Variants in MAPKAP1 observed in about 807,000 individuals in gnomAD.
The protein encoded by MAPKAP1 is target of rapamycin complex 2 subunit MAPKAP1.
In MAPKAP1, 20 loss-of-function variants were observed where a neutral mutation model predicts 65.7. The observed-to-expected ratio is 0.30, with a 90% CI of 0.21 to 0.44. The LOEUF (loss-of-function observed/expected upper bound fraction) is 0.44, where lower values mean the gene tolerates loss of function less well. Ranked by LOEUF, MAPKAP1 falls within the 20% of genes least tolerant of loss-of-function variation. The probability of loss-of-function intolerance (pLI) is 1.00; values close to 1 mark genes in which losing one functional copy is unlikely to be tolerated. For missense variants in MAPKAP1, 423 were observed against 648.0 expected (o/e 0.65, Z 3.77); for synonymous variants, 222 against 244.3 (o/e 0.91, Z 0.85).
At chr9:125,569,931 T>C (rs1013139668) in intron 5 of MAPKAP1, among the ~76,000 whole-genome samples, 8 of 152,236 alleles carry the variant, frequency 5.3e-5, no homozygotes, top group African/African-American at 1.7e-4. Flanking sequence ...TTAGTAATCT[T>C]TGGGAAATGA....
rs1290581458 is a variant in MAPKAP1 at position 125,698,289 on chromosome 9, ATATATATATATATATATATATATAT to A, written c.-70+8657_-70+8681del. Among the ~76,000 whole-genome samples, 404 of 77,806 alleles carry A rather than the reference ATATATATATATATATATATATATAT, an allele frequency of 5.2e-3. 16 individuals are homozygous for A. Among genetic ancestry groups the A allele is most frequent in the African/African-American group, 0.015 (312 of 21,276 alleles). The allele number at this position is 77,806 out of a possible 152,430, so 51.0% of individuals were successfully genotyped here. A position where few individuals can be genotyped will look rare whatever the true frequency, so the allele number is the denominator to read the frequency against. On this transcript the variant is annotated intron_variant, in intron 1 of 11. Transcript: ENST00000265960. ...TATATATAATACATAATATATATAA[ATATATATATATATATATATATATAT>A]ATATATATATATATATATATATAAA...
At chr9:125,547,656 G>A (rs1214008863) in intron 6 of MAPKAP1, among the ~76,000 whole-genome samples, 1 of 152,112 alleles carries the variant, frequency 6.6e-6, no homozygotes, top group South Asian at 2.1e-4. Context: ...ACTGCTTATC[G>A]GGGGGTGGGA....
chr9:125,621,043 G>A (rs1329433889), intron 4 of MAPKAP1, among the ~76,000 whole-genome samples: 2 of 152,130 alleles, frequency 1.3e-5, no homozygotes, highest in Non-Finnish European at 2.9e-5. Context: ...AGGCTGAGGT[G>A]GGCAGACTGG....
intron 7 of MAPKAP1, among the ~76,000 whole-genome samples, chr9:125,532,444 T>C (rs899396836): frequency 5.9e-5 from 9 of 152,216 alleles, no homozygotes; most frequent in African/African-American, 2.2e-4. Context: ...CAAAAAGCAG[T>C]TGCAAAAGAG....
At chr9:125,547,854 T>C (rs1830473269) in intron 6 of MAPKAP1, among the ~76,000 whole-genome samples, 1 of 152,238 alleles carries the variant, frequency 6.6e-6, no homozygotes, top group South Asian at 2.1e-4. Context: ...AAGTGTTAAC[T>C]ATGAAGCAGG....
chr9:125,652,262 A>G, intron 4 of MAPKAP1: 1 of 1,242,590 alleles, frequency 8.0e-7, no homozygotes, highest in Non-Finnish European at 1.0e-6. Flanking sequence ...ACAATGCTGA[A>G]ACAAGAGCAG....
At position 125,514,436 on chromosome 9, in the gene MAPKAP1, T is replaced by C. The variant is rs190265059; in HGVS notation, c.959-8019A>G. On this transcript the variant is annotated intron_variant, in intron 7 of 11. Coordinates refer to ENST00000265960, the MANE Select transcript of MAPKAP1 (RefSeq NM_001006617.3). The stretch of plus-strand genomic sequence containing the variant: ...AATATTCATTAGATGGATGTTTGGA[T>C]GGTAGTGTAGCATCACATGTCCTTT... Among the ~76,000 whole-genome samples the C allele has an allele frequency of 3.3e-5, 5 of 152,280 alleles. No homozygotes were observed. In the East Asian group the frequency reaches 9.7e-4, roughly 29 times the overall value.
intron 7 of MAPKAP1, among the ~76,000 whole-genome samples, chr9:125,538,055 TTGTGTTCATACTCTC>T (rs1830123557): frequency 6.6e-6 from 1 of 152,214 alleles, no homozygotes; most frequent in Middle Eastern, 3.2e-3. Context: ...TTTTATTTCT[TTGTGTTCATACTCTC>T]TGTATGTCTC....
At chr9:125,564,264 AATG>A (rs1240401563) in intron 5 of MAPKAP1, among the ~76,000 whole-genome samples, 3 of 152,230 alleles carry the variant, frequency 2.0e-5, no homozygotes, top group Non-Finnish European at 4.4e-5. Context: ...AAAAAACAGA[AATG>A]ATGATACTAT....
intron 4 of MAPKAP1, among the ~76,000 whole-genome samples, chr9:125,619,776 A>AAAATGTATAT (rs1397700918): frequency 9.2e-5 from 14 of 152,254 alleles, no homozygotes; most frequent in African/African-American, 3.1e-4. Context: ...ATAGAGGCAA[A>AAAATGTATAT]AAATGTATAT....
intron 1 of MAPKAP1, among the ~76,000 whole-genome samples, chr9:125,678,567 G>T (rs556924409): frequency 6.6e-6 from 1 of 152,268 alleles, no homozygotes; most frequent in South Asian, 2.1e-4. Context: ...TACTAGGTGG[G>T]TCTCCTTTTA....
At chr9:125,480,466 A>G (rs576989772) in intron 9 of MAPKAP1, among the ~76,000 whole-genome samples, 4 of 152,238 alleles carry the variant, frequency 2.6e-5, no homozygotes, top group African/African-American at 9.6e-5. Flanking sequence ...CTCACTTCCA[A>G]CAACCAGGGA....
chr9:125,642,660 T>C (rs977126466), intron 4 of MAPKAP1, among the ~76,000 whole-genome samples: 1 of 152,292 alleles, frequency 6.6e-6, no homozygotes, highest in Non-Finnish European at 1.5e-5. Context: ...AAGAAACCCA[T>C]AAAGGTAGCA....
chr9:125,458,815 T>C (rs1271143385), intron 10 of MAPKAP1, among the ~76,000 whole-genome samples: 1 of 133,316 alleles, frequency 7.5e-6, no homozygotes, highest in East Asian at 2.3e-4. Context: ...GCCCCTCACC[T>C]CCCGGACGGG....
chr9:125,705,851 C>T lies in MAPKAP1; in HGVS notation c.-70+1120G>A, dbSNP rs544518052. Among the ~76,000 whole-genome samples, 73 of 152,136 alleles carry T rather than the reference C, an allele frequency of 4.8e-4. 1 individual carries two copies. Among genetic ancestry groups the T allele is most frequent in the African/African-American group, 1.6e-3 (67 of 41,512 alleles). On this transcript the variant is annotated intron_variant, in intron 1 of 11. Transcript: ENST00000265960. ...CAAAAATCAATGGAATAGGAAAGAACAAAAATGATTAGAGATCCTACTTAT... is the reference window on the plus strand; with the variant it reads ...CAAAAATCAATGGAATAGGAAAGAATAAAAATGATTAGAGATCCTACTTAT...
At chr9:125,566,044 C>A (rs1449362138) in intron 5 of MAPKAP1, among the ~76,000 whole-genome samples, 1 of 152,108 alleles carries the variant, frequency 6.6e-6, no homozygotes, top group Non-Finnish European at 1.5e-5. Context: ...GAATAAAATT[C>A]TATATACAGT....
chr9:125,677,333 G>C (rs575382446), intron 1 of MAPKAP1, among the ~76,000 whole-genome samples: 14 of 152,178 alleles, frequency 9.2e-5, no homozygotes, highest in South Asian at 6.2e-4. Context: ...CTTGAACCTG[G>C]GAGGCAGAGG....
At chr9:125,544,089 C>A (rs1486535714) in intron 6 of MAPKAP1, among the ~76,000 whole-genome samples, 1 of 152,120 alleles carries the variant, frequency 6.6e-6, no homozygotes, top group Non-Finnish European at 1.5e-5. Flanking sequence ...CGGCTCACTG[C>A]AACCTCTGCT....
At chr9:125,673,132 G>C (rs1294551872) in intron 1 of MAPKAP1, among the ~76,000 whole-genome samples, 2 of 152,192 alleles carry the variant, frequency 1.3e-5, no homozygotes, top group Admixed American at 1.3e-4. Flanking sequence ...TGCTTTCAGA[G>C]TTACTAGGGG....
Sources: allele counts gnomAD v4.1 joint callset (sites outside exome capture counted in the v4.1 genomes callset), GRCh38; gene constraint gnomAD v4.1.1; transcripts MANE v1.5; gene names NCBI Gene and HGNC (gene_info 2026-07-23, HGNC 2026-07-21).